OSCP1: variants seen among roughly 807,000 people sequenced by gnomAD.
The protein encoded by OSCP1 is organic solute carrier partner 1.
OSCP1 carries 35 observed loss-of-function variants against 45.1 expected under a neutral mutation model. The observed-to-expected ratio is 0.78, with a 90% CI of 0.59 to 1.03. OSCP1 has a LOEUF of 1.03. Among genes scored for constraint, OSCP1 ranks in the 50% least tolerant of loss-of-function variants. The pLI is 0.00. For missense variants in OSCP1, 400 were observed against 470.7 expected, an observed-to-expected ratio of 0.85 and a Z score of 1.39; for synonymous variants, 179 against 180.1, an observed-to-expected ratio of 0.99 and a Z score of 0.05.
chr1:36,418,830 A>G (rs1647433749), intron 9 of OSCP1, among the ~76,000 whole-genome samples, 161 bp downstream of exon 9: 1 of 151,554 alleles, frequency 6.6e-6, no homozygotes, highest in Non-Finnish European at 1.5e-5. Flanking sequence ...CGGCAGGCTG[A>G]GGCATGAGAA....
Position 36,449,827 on chromosome 1 carries a change from C to T in OSCP1, c.112+431G>A, listed in dbSNP as rs186113818. Among the ~76,000 whole-genome samples, 371 of 90,564 alleles carry T rather than the reference C, an allele frequency of 4.1e-3. 5 individuals are homozygous for T. Among genetic ancestry groups the T allele is most frequent in the Middle Eastern group, 0.024 (2 of 84 alleles). 59.4% of individuals were successfully genotyped at this position (90,564 alleles called of 152,430 possible). ...CTCCAGCCTGGGCGACAGAGCGAGA[C>T]CCTGTCTCAAAAAAAAAAAAAAAAA... On this transcript the variant is annotated intron_variant, in intron 1 of 9. Coordinates refer to ENST00000235532, the MANE Select transcript of OSCP1 (RefSeq NM_145047.5).
At chr1:36,427,186 G>C (rs77763482) in intron 4 of OSCP1, among the ~76,000 whole-genome samples, 1 of 151,432 alleles carries the variant, frequency 6.6e-6, no homozygotes, top group Non-Finnish European at 1.5e-5. Context: ...TTTTTTAGTA[G>C]AGATGGGGTT....
At chr1:36,420,692 G>A in intron 7 of OSCP1, 77 bp from the exon 8 acceptor site, 2 of 1,536,328 alleles carry the variant, frequency 1.3e-6, no homozygotes, top group Non-Finnish European at 1.8e-6. Flanking sequence ...GACACAGGTA[G>A]GTATTATAAA....
chr1:36,419,338 C>T, intron 8 of OSCP1: 3 of 458,764 alleles, frequency 6.5e-6, no homozygotes, highest in African/African-American at 2.0e-5. Context: ...CTTCAATCTG[C>T]CAGTGCAAAG....
intron 1 of OSCP1, chr1:36,443,936 C>T: frequency 1.3e-6 from 2 of 1,528,654 alleles, no homozygotes; most frequent in Non-Finnish European, 1.8e-6. Context: ...CATTTTAAGC[C>T]CTGCTGATAA....
At chr1:36,423,274 G>C (rs1430153620) in intron 5 of OSCP1, 89 bp downstream of exon 5, 1 of 1,054,262 alleles carries the variant, frequency 9.5e-7, no homozygotes, top group East Asian at 2.4e-5. Context: ...CAGACTGTGA[G>C]TGGCTTGGCA....
intron 2 of OSCP1, among the ~76,000 whole-genome samples, chr1:36,434,620 C>T (rs984340639): frequency 4.0e-5 from 6 of 151,864 alleles, no homozygotes; most frequent in Admixed American, 6.6e-5. Context: ...TGTGGTGGTG[C>T]GTGCCTGTAA....
At chr1:36,434,515 C>T (rs1452754404) in intron 2 of OSCP1, among the ~76,000 whole-genome samples, 3 of 152,014 alleles carry the variant, frequency 2.0e-5, no homozygotes, top group African/African-American at 4.8e-5. Flanking sequence ...TTTGGGAGGC[C>T]GAGGTGGGTG....
intron 6 of OSCP1, among the ~76,000 whole-genome samples, 182 bp from the exon 7 acceptor site, chr1:36,422,401 A>T (rs1283803870): frequency 6.6e-6 from 1 of 152,258 alleles, no homozygotes; most frequent in Non-Finnish European, 1.5e-5. Flanking sequence ...TCCTAAAGAA[A>T]AACACCTGGG....
At chr1:36,423,718 C>CA (rs1345641867) in intron 4 of OSCP1, among the ~76,000 whole-genome samples, 1 of 151,628 alleles carries the variant, frequency 6.6e-6, no homozygotes, top group Admixed American at 6.6e-5. Context: ...ACTAAAAATA[C>CA]AAAAAATTAG....
intron 2 of OSCP1, among the ~76,000 whole-genome samples, chr1:36,435,613 G>T (rs1341169425): frequency 6.6e-6 from 1 of 151,980 alleles, no homozygotes; most frequent in Non-Finnish European, 1.5e-5. Context: ...GAAAATGAAG[G>T]CTCAGAGAGT....
chr1:36,422,404 C>T (rs1317810320), intron 6 of OSCP1, among the ~76,000 whole-genome samples, 185 bp from the exon 7 acceptor site: 3 of 152,190 alleles, frequency 2.0e-5, no homozygotes, highest in Non-Finnish European at 4.4e-5. Context: ...TAAAGAAAAA[C>T]ACCTGGGGAG....
At chr1:36,427,007 CTT>C (rs1269016112) in intron 4 of OSCP1, among the ~76,000 whole-genome samples, 2 of 123,802 alleles carry the variant, frequency 1.6e-5, no homozygotes. Context: ...TGCCTGGCCT[CTT>C]TTTTTTTTTG....
chr1:36,423,023 G>GTAATAA (rs3052825), intron 5 of OSCP1, 127 bp from the exon 6 acceptor site: 5,266 of 525,118 alleles, frequency 0.01, 223 homozygotes, highest in African/African-American at 0.093. Flanking sequence ...GGTGCTGGTT[G>GTAATAA]TAATAATAAT....
intron 2 of OSCP1, among the ~76,000 whole-genome samples, chr1:36,434,020 G>T (rs1648546037): frequency 6.6e-6 from 1 of 152,144 alleles, no homozygotes. Flanking sequence ...AGATTTGGGG[G>T]ATGATGATCA....
chr1:36,418,169 G>T lies in OSCP1; in HGVS notation c.1110C>A (p.Asp370Glu). 12 of 1,614,120 alleles carry T rather than the reference G, an allele frequency of 7.4e-6. No individual in the cohort carries two copies. The highest frequency in any genetic ancestry group is 1.0e-5 in the Non-Finnish European group (12 of 1,180,006). ...EQPRLSTSKGDDLLAMMDEL is the reference protein window; with the variant it reads ...EQPRLSTSKGEDLLAMMDEL Reference sequence around the variant, plus strand: ...ACTCATCCATCATGGCGAGCAAATCGTCCCCTTTGCTGGTGCTCAGCCTTG... The same window carrying T: ...ACTCATCCATCATGGCGAGCAAATCTTCCCCTTTGCTGGTGCTCAGCCTTG... The change falls in exon 10 of 10, where the codon GAC becomes GAA. Residue 370 changes from aspartate (D) to glutamate (E), a missense_variant. By Grantham distance (45) the Asp-to-Glu change is conservative (BLOSUM62 2). Transcript: ENST00000235532.
chr1:36,422,006 C>T lies in OSCP1; in HGVS notation c.819+144G>A. ...AAAAGCTACAATTAAAACCTGTGTA[C>T]TCGTAAGGTGGAATGGAGAAGATTG... is the stretch of plus-strand genomic sequence containing the variant. On this transcript the variant is annotated intron_variant, in intron 7 of 9. Transcript: ENST00000235532. 3 of 751,140 alleles carry T rather than the reference C, an allele frequency of 4.0e-6. No individual in the cohort carries two copies. The South Asian group carries it at 4.8e-5, about 12-fold the overall frequency. The allele number at this position is 751,140 out of a possible 1,614,324, so 46.5% of individuals were successfully genotyped here.
Position 36,450,302 on chromosome 1 carries a change from T to G in OSCP1, c.68A>C (p.Gln23Pro), listed in dbSNP as rs763901874. The stretch of plus-strand genomic sequence containing the variant: ...CGGGATGTTCTGGGCCCGCAGCCGT[T>G]GGTCGAGGATGTAAAGCATCTCCCC... ...LGGEMLYILD[Q>P]RLRAQNIPGD... The change falls in exon 1 of 10, where the codon CAA becomes CCA. Residue 23 changes from glutamine to proline, a missense_variant. Transcript: ENST00000235532. 3 of 1,613,604 alleles carry G rather than the reference T, an allele frequency of 1.9e-6. No individual in the cohort carries two copies. The highest frequency in any genetic ancestry group is 2.5e-6 in the Non-Finnish European group (3 of 1,179,884).
intron 9 of OSCP1, chr1:36,418,589 GT>G (rs1474265360): frequency 2.8e-6 from 1 of 355,652 alleles, no homozygotes; most frequent in Non-Finnish European, 5.1e-6. Flanking sequence ...GAAAAAGAGG[GT>G]CTCTGAAGTT....
Sources: allele counts gnomAD v4.1 joint callset (sites outside exome capture counted in the v4.1 genomes callset), GRCh38; gene constraint gnomAD v4.1.1; transcripts MANE v1.5; gene names NCBI Gene and HGNC (gene_info 2026-07-23, HGNC 2026-07-21).